MBD5: variants seen among roughly 807,000 people sequenced by gnomAD.
The protein encoded by MBD5 is methyl-CpG-binding domain protein 5.
Under a neutral mutation model 117.3 loss-of-function variants are expected in MBD5, and 13 were observed. That is an observed-to-expected ratio of 0.11 (90% CI 0.07 to 0.18). MBD5 has a LOEUF of 0.18. Ranked by LOEUF, MBD5 falls within the 10% of genes least tolerant of loss-of-function variation. The pLI is 1.00. For synonymous variants in MBD5, 727 were observed against 766.4 expected, an observed-to-expected ratio of 0.95 and a Z score of 0.85; for missense variants, 1,879 against 2,093.8, an observed-to-expected ratio of 0.90 and a Z score of 2.00.
chr2:148,503,749 C>T (rs1306130115), intron 12 of MBD5, among the ~76,000 whole-genome samples: 1 of 152,166 alleles, frequency 6.6e-6, no homozygotes, highest in Non-Finnish European at 1.5e-5. Context: ...AAGGTCCCTT[C>T]TACTCTTACT....
intron 4 of MBD5, among the ~76,000 whole-genome samples, chr2:148,433,504 A>G (rs567633048): frequency 6.6e-6 from 1 of 152,218 alleles, no homozygotes; most frequent in Non-Finnish European, 1.5e-5. Context: ...GATGGCTCTT[A>G]TTACTTTGAA....
At chr2:148,217,928 G>T (rs1046724619) in intron 2 of MBD5, among the ~76,000 whole-genome samples, 3 of 151,988 alleles carry the variant, frequency 2.0e-5, no homozygotes, top group Non-Finnish European at 2.9e-5. Context: ...CTGATGGCCA[G>T]GCTTCCAAAC....
At chr2:148,288,915 A>T (rs1249780198) in intron 3 of MBD5, among the ~76,000 whole-genome samples, 3 of 152,176 alleles carry the variant, frequency 2.0e-5, no homozygotes, top group Non-Finnish European at 4.4e-5. Flanking sequence ...TAATTAATAA[A>T]TCTTATCCTA....
chr2:148,221,250 C>G (rs1254041863), intron 2 of MBD5, among the ~76,000 whole-genome samples: 1 of 152,100 alleles, frequency 6.6e-6, no homozygotes, highest in African/African-American at 2.4e-5. Context: ...TTGCAGATAA[C>G]TCTTCGATAC....
intron 2 of MBD5, among the ~76,000 whole-genome samples, chr2:148,209,551 T>G (rs1361372779): frequency 6.6e-6 from 1 of 151,556 alleles, no homozygotes; most frequent in Non-Finnish European, 1.5e-5. Flanking sequence ...AATTACCCAG[T>G]GTAAGGCACT....
intron 4 of MBD5, among the ~76,000 whole-genome samples, chr2:148,384,714 T>C (rs1330078316): frequency 4.6e-5 from 7 of 151,844 alleles, no homozygotes; most frequent in South Asian, 2.1e-4. Flanking sequence ...TCAAACTATA[T>C]TACAAGGCTA....
At chr2:148,217,736 A>G (rs1699591218) in intron 2 of MBD5, among the ~76,000 whole-genome samples, 2 of 152,130 alleles carry the variant, frequency 1.3e-5, no homozygotes, top group African/African-American at 4.8e-5. Context: ...ATCATCTTTC[A>G]TGATCAAAGC....
At chr2:148,091,151 A>G (rs1695929866) in intron 1 of MBD5, among the ~76,000 whole-genome samples, 1 of 152,118 alleles carries the variant, frequency 6.6e-6, no homozygotes, top group Non-Finnish European at 1.5e-5. Context: ...GCTGAAATGA[A>G]TCGTCAACAA....
intron 1 of MBD5, among the ~76,000 whole-genome samples, chr2:148,100,778 T>C (rs1442023503): frequency 6.6e-6 from 1 of 152,216 alleles, no homozygotes; most frequent in East Asian, 1.9e-4. Context: ...TTGTATGACC[T>C]ATTGTTTGCC....
At chr2:148,116,226 C>T (rs182976843) in intron 1 of MBD5, among the ~76,000 whole-genome samples, 63 of 151,432 alleles carry the variant, frequency 4.2e-4, no homozygotes, top group African/African-American at 1.4e-3. Flanking sequence ...CACCAAGAGA[C>T]ATATTGGAAA....
chr2:148,485,989 G>C, intron 10 of MBD5, 39 bp downstream of exon 10: 4 of 1,587,808 alleles, frequency 2.5e-6, no homozygotes, highest in Non-Finnish European at 3.5e-6. Context: ...AGAAAACAAT[G>C]TCTGAGTTTG....
At chr2:148,452,739 A>C (rs1706766183) in intron 4 of MBD5, among the ~76,000 whole-genome samples, 1 of 152,204 alleles carries the variant, frequency 6.6e-6, no homozygotes, top group South Asian at 2.1e-4. Flanking sequence ...AACCGTGATT[A>C]ACTTTATAAA....
intron 1 of MBD5, among the ~76,000 whole-genome samples, chr2:148,064,805 C>A (rs1342519708): frequency 1.3e-5 from 2 of 152,112 alleles, no homozygotes; most frequent in Non-Finnish European, 2.9e-5. Flanking sequence ...TACCTTTCTT[C>A]TTTCCTTCTT....
chr2:148,348,507 T>C (rs947588299), intron 4 of MBD5, among the ~76,000 whole-genome samples: 1 of 152,062 alleles, frequency 6.6e-6, no homozygotes, highest in African/African-American at 2.4e-5. Flanking sequence ...GGCCATTCAA[T>C]GAAGTCACAC....
chr2:148,445,796 C>A lies in MBD5; in HGVS notation c.-556-12407C>A, dbSNP rs185043216. Among the ~76,000 whole-genome samples, 53 of 151,438 alleles carry A rather than the reference C, an allele frequency of 3.5e-4. 1 individual carries two copies. In the East Asian group the frequency reaches 6.4e-3, roughly 18 times the overall value. ...TATTTCTCCACATCCTCTCCAGCAC[C>A]TGTTGTTTTCTGACTTTAATGGTCG... is the stretch of plus-strand genomic sequence containing the variant. On this transcript the variant is annotated intron_variant, in intron 4 of 13. Coordinates refer to ENST00000642680, the MANE Select transcript of MBD5 (RefSeq NM_001378120.1).
chr2:148,280,164 CAG>C (rs1201867994), intron 3 of MBD5, among the ~76,000 whole-genome samples: 1 of 97,618 alleles, frequency 1.0e-5, no homozygotes, highest in African/African-American at 3.7e-5. Context: ...AAAGAAAAAA[CAG>C]AAAAAAAATT....
intron 1 of MBD5, among the ~76,000 whole-genome samples, chr2:148,047,520 G>A (rs1236667133): frequency 1.3e-5 from 2 of 152,184 alleles, no homozygotes; most frequent in Non-Finnish European, 2.9e-5. Flanking sequence ...ATTGGGAGAT[G>A]TAGAAATTGT....
rs772319715 is a variant in MBD5 at position 148,483,617 on chromosome 2, A to G, written c.3026A>G (p.Asn1009Ser). 13 of 1,552,684 alleles carry G rather than the reference A, an allele frequency of 8.4e-6. No individual in the cohort carries two copies. The highest frequency in any genetic ancestry group is 2.4e-5 in the East Asian group (1 of 40,938). ...GCCATGCTTCCCCTGCCATCTTTCA[A>G]TCTGACCATCTCAGATCTTTTGCAA... is the stretch of plus-strand genomic sequence containing the variant. Reference protein sequence around the residue: ...AAAMLPLPSFNLTISDLLQQQ... With the variant: ...AAAMLPLPSFSLTISDLLQQQ... The change falls in exon 9 of 14, where the codon AAT (asparagine) becomes AGT (serine). Residue 1009 changes from asparagine (N) to serine (S), a missense_variant. By Grantham distance (46) the Asn-to-Ser change is conservative (BLOSUM62 1). This residue lies in a region of MBD5 where 1,666 missense variants were observed against 1,792.2 expected (regional missense o/e 0.93). Coordinates refer to ENST00000642680, the MANE Select transcript of MBD5 (RefSeq NM_001378120.1).
intron 1 of MBD5, among the ~76,000 whole-genome samples, chr2:148,162,882 T>G (rs1698042625): frequency 6.6e-6 from 1 of 152,106 alleles, no homozygotes; most frequent in African/African-American, 2.4e-5. Flanking sequence ...GGCAAATAAA[T>G]AAGATCCTAA....
Sources: allele counts gnomAD v4.1 joint callset (sites outside exome capture counted in the v4.1 genomes callset), GRCh38; gene constraint gnomAD v4.1.1; regional missense constraint gnomAD v4.1.1; transcripts MANE v1.5; gene names NCBI Gene and HGNC (gene_info 2026-07-23, HGNC 2026-07-21).